Variants in PCDHGA9 observed in about 807,000 individuals in gnomAD.
PCDHGA9 encodes the protein protocadherin gamma-A9.
Under a neutral mutation model 62.5 loss-of-function variants are expected in PCDHGA9, and 37 were observed. The ratio of observed to expected loss-of-function variants is 0.59; its 90% CI spans 0.46 to 0.78. PCDHGA9 has a LOEUF of 0.78. PCDHGA9 is among the 30% of genes least tolerant of loss of function. The pLI, the probability that PCDHGA9 is intolerant of heterozygous loss-of-function variation, is 0.00. For synonymous variants in PCDHGA9, 459 were observed against 484.6 expected (o/e 0.95, Z 0.69); for missense variants, 1,138 against 1,166.2 (o/e 0.98, Z 0.35).
At chr5:141,483,790 AGTT>A (rs963139644) in intron 1 of PCDHGA9, among the ~76,000 whole-genome samples, 14 of 152,290 alleles carry the variant, frequency 9.2e-5, no homozygotes, top group African/African-American at 3.4e-4. Flanking sequence ...TAAGAACTCC[AGTT>A]GTTGCTGCTT....
At chr5:141,497,807 T>G (rs2099779585) in intron 2 of PCDHGA9, among the ~76,000 whole-genome samples, 1 of 152,210 alleles carries the variant, frequency 6.6e-6, no homozygotes, top group African/African-American at 2.4e-5. Context: ...CCCAAAGTGC[T>G]AGAATTACAG....
intron 2 of PCDHGA9, among the ~76,000 whole-genome samples, chr5:141,496,104 G>A (rs950960102): frequency 6.8e-6 from 1 of 146,980 alleles, no homozygotes; most frequent in African/African-American, 2.5e-5. Context: ...CCAACACCCC[G>A]CTCTCTTCCT....
At chr5:141,447,027 T>TG (rs563674341) in intron 1 of PCDHGA9, among the ~76,000 whole-genome samples, 103 of 152,252 alleles carry the variant, frequency 6.8e-4, no homozygotes, top group South Asian at 2.3e-3. Flanking sequence ...TGTTTTGTTT[T>TG]TTTTCTGTGT....
chr5:141,440,618 C>G (rs1287745652), intron 1 of PCDHGA9: 3 of 152,196 alleles, frequency 2.0e-5, no homozygotes, highest in South Asian at 2.1e-4. Context: ...GCAGAAGATC[C>G]TGATGTTGAG....
At chr5:141,414,904 A>G in intron 1 of PCDHGA9, 2 of 1,614,190 alleles carry the variant, frequency 1.2e-6, no homozygotes, top group Non-Finnish European at 1.7e-6. Context: ...AGACGGTTCC[A>G]CAGGCGTGGA....
intron 1 of PCDHGA9, 96 bp from the exon 2 acceptor site, chr5:141,494,711 A>T (rs757105958): frequency 6.3e-7 from 1 of 1,599,616 alleles, no homozygotes; most frequent in Non-Finnish European, 8.5e-7. Context: ...CTCTGTGCCC[A>T]CTCCCCTCCT....
intron 1 of PCDHGA9, chr5:141,423,540 C>T (rs961504938): frequency 6.2e-7 from 1 of 1,613,606 alleles, no homozygotes; most frequent in Non-Finnish European, 8.5e-7. Context: ...ACCTGATTTT[C>T]CCCCAGCCCA....
intron 1 of PCDHGA9, among the ~76,000 whole-genome samples, chr5:141,469,489 C>T (rs1013080566): frequency 4.6e-5 from 7 of 151,928 alleles, no homozygotes; most frequent in Middle Eastern, 3.4e-3. Context: ...GCAGGAGAAT[C>T]GCTTGAACCC....
intron 2 of PCDHGA9, among the ~76,000 whole-genome samples, chr5:141,500,184 T>TTTTTTTTA (rs1554186429): frequency 7.8e-4 from 106 of 135,966 alleles, no homozygotes; most frequent in African/African-American, 2.4e-3. Context: ...TCATTTTTAT[T>TTTTTTTTA]TTTATTTATT....
In PCDHGA9 at chr5:141,405,167, C is replaced by T. The variant is rs926303279; in HGVS notation, c.2215C>T (p.His739Tyr). The T allele has an allele frequency of 7.4e-6, 12 of 1,614,002 alleles. No individual in the cohort carries two copies. The highest frequency in any genetic ancestry group is 1.3e-5 in the African/African-American group (1 of 74,934). Residue 739 changes from histidine to tyrosine, a missense_variant, in exon 1 of 4, where the codon CAC becomes TAC. By Grantham distance (83) the His-to-Tyr change is moderately conservative. Coordinates refer to ENST00000573521, the MANE Select transcript of PCDHGA9 (RefSeq NM_018921.3). Reference protein sequence around the residue: ...SDGLAGVPTSHFVGVDGVRAF... With the variant: ...SDGLAGVPTSYFVGVDGVRAF... ...TGGGTTGGCTGGTGTGCCCACCTCA[C>T]ACTTTGTGGGTGTAGATGGGGTTCG... is the stretch of plus-strand genomic sequence containing the variant.
intron 1 of PCDHGA9, among the ~76,000 whole-genome samples, chr5:141,435,590 A>G (rs1005651004): frequency 3.3e-5 from 5 of 152,210 alleles, no homozygotes; most frequent in African/African-American, 7.2e-5. Context: ...TTGCAGTAAT[A>G]TCGCCTGCTT....
intron 1 of PCDHGA9, among the ~76,000 whole-genome samples, chr5:141,457,543 A>G (rs555448211): frequency 2.6e-5 from 4 of 152,346 alleles, no homozygotes; most frequent in African/African-American, 9.6e-5. Flanking sequence ...TTAATGACAA[A>G]TGTATGATAA....
intron 1 of PCDHGA9, among the ~76,000 whole-genome samples, chr5:141,436,604 G>A (rs2097836057): frequency 6.6e-6 from 1 of 152,146 alleles, no homozygotes; most frequent in Admixed American, 6.5e-5. Context: ...GTGATGGCTA[G>A]GGCTAACAAA....
intron 1 of PCDHGA9, chr5:141,414,476 C>G (rs1242647918): frequency 6.2e-7 from 1 of 1,613,920 alleles, no homozygotes; most frequent in Non-Finnish European, 8.5e-7. Context: ...GGGGGAAGTC[C>G]TCCTCTATCA....
Position 141,485,373 on chromosome 5 carries a change from C to T in PCDHGA9, c.2425-9434C>T. 2 of 1,614,136 alleles carry T rather than the reference C, an allele frequency of 1.2e-6. No homozygotes were observed. Among genetic ancestry groups the T allele is most frequent in the East Asian group, 2.2e-5 (1 of 44,868 alleles). On this transcript the variant is annotated intron_variant, in intron 1 of 3. Transcript: ENST00000573521. This position sits in a 1 kb window ranked among gnomAD's most constrained non-coding sequence, Gnocchi z 5.7. ...CTGTCAGCTCGCAGGCTGCAGGTCG[C>T]TGGAGAGGTGAACCAAAGACACTTC... is the stretch of plus-strand genomic sequence containing the variant.
At chr5:141,438,290 A>G (rs1043285243) in intron 1 of PCDHGA9, among the ~76,000 whole-genome samples, 5 of 152,074 alleles carry the variant, frequency 3.3e-5, no homozygotes, top group East Asian at 3.9e-4. Flanking sequence ...TTTAATCTGT[A>G]TGTAAAAGAA....
Position 141,404,997 on chromosome 5 carries a change from C to T in PCDHGA9, c.2045C>T (p.Ala682Val). The T allele has an allele frequency of 6.2e-7, 1 of 1,614,034 alleles. No individual in the cohort carries two copies. Among genetic ancestry groups the T allele is most frequent in the East Asian group, 2.2e-5 (1 of 44,884 alleles). Residue 682 changes from alanine to valine, a missense_variant, in exon 1 of 4, where the codon GCA becomes GTA. Transcript: ENST00000573521. ...GACCTGGGCAGTCTTCAGATCCCTGCAGACCTGGAGGCCTCAGACCTTACC... is the reference window on the plus strand; with the variant it reads ...GACCTGGGCAGTCTTCAGATCCCTGTAGACCTGGAGGCCTCAGACCTTACC... ...LADLGSLQIP[A>V]DLEASDLTLY...
In PCDHGA9 at chr5:141,418,134, G is replaced by A. The variant is rs367774534; in HGVS notation, c.2424+12758G>A. ...TTACTTGTGAAGGACCGAATAGACC[G>A]TGAGCAAATATGCAAAGAGAGAAGA... On this transcript the variant is annotated intron_variant, in intron 1 of 3. Transcript: ENST00000573521. The A allele has an allele frequency of 3.1e-6, 5 of 1,613,970 alleles. No individual in the cohort carries two copies. In the African/African-American group the frequency reaches 4.0e-5, roughly 13 times the overall value.
intron 1 of PCDHGA9, chr5:141,419,472 G>A (rs1392935171): frequency 6.2e-7 from 1 of 1,612,330 alleles, no homozygotes; most frequent in Non-Finnish European, 8.5e-7. Flanking sequence ...CGCGACCAGG[G>A]CTCGCCCGCG....
Sources: gnomAD v4.1 joint callset for allele counts (sites outside exome capture counted in the v4.1 genomes callset) on GRCh38, gnomAD v4.1.1 for gene constraint, Gnocchi (gnomAD v3.1) non-coding constraint, MANE v1.5 for transcripts, NCBI Gene and HGNC (gene_info 2026-07-23, HGNC 2026-07-21) for gene names.